Variants in SFMBT2 observed in about 807,000 individuals in gnomAD.
SFMBT2 encodes the protein scm-like with four MBT domains protein 2.
A neutral mutation model predicts 110.1 loss-of-function variants in SFMBT2; 38 were observed. That is an observed-to-expected ratio of 0.35 (90% CI 0.27 to 0.45). The LOEUF (loss-of-function observed/expected upper bound fraction) is 0.45. Ranked by LOEUF, SFMBT2 falls within the 20% of genes least tolerant of loss-of-function variation. SFMBT2 has a pLI of 1.00. For synonymous variants in SFMBT2, 425 were observed against 425.4 expected, an observed-to-expected ratio of 1.00 and a Z score of 0.01; for missense variants, 1,011 against 1,094.9, an observed-to-expected ratio of 0.92 and a Z score of 1.08.
At chr10:7,279,654 G>A (rs1481522936) in intron 6 of SFMBT2, among the ~76,000 whole-genome samples, 1 of 152,178 alleles carries the variant, frequency 6.6e-6, no homozygotes, top group Non-Finnish European at 1.5e-5. Flanking sequence ...CTGTTTCTGG[G>A]AAGGTCGTGA....
Position 7,201,827 on chromosome 10 carries a change from T to G in SFMBT2, c.1487+653A>C, listed in dbSNP as rs191202064. Among the ~76,000 whole-genome samples, 876 of 152,322 alleles carry G rather than the reference T, an allele frequency of 5.8e-3. 9 individuals carry two copies. The highest frequency in any genetic ancestry group is 0.02 in the African/African-American group (834 of 41,566). On this transcript the variant is annotated intron_variant, in intron 13 of 20. Coordinates refer to ENST00000397167, the MANE Select transcript of SFMBT2 (RefSeq NM_001387889.1). The stretch of plus-strand genomic sequence containing the variant: ...ACCCTCTTTCCACATAAAGTCACAA[T>G]TGAAATGGGGGACACCCTGTTTCCA...
At chr10:7,238,035 A>T (rs1049063162) in intron 9 of SFMBT2, among the ~76,000 whole-genome samples, 1 of 152,228 alleles carries the variant, frequency 6.6e-6, no homozygotes, top group African/African-American at 2.4e-5. Context: ...AGTGGAAGTC[A>T]GCACGGCTGG....
At chr10:7,321,922 C>G (rs1007784032) in intron 4 of SFMBT2, among the ~76,000 whole-genome samples, 2 of 152,204 alleles carry the variant, frequency 1.3e-5, no homozygotes, top group African/African-American at 4.8e-5. Flanking sequence ...CAACTCCAAT[C>G]AAAATTCCAT....
intron 4 of SFMBT2, among the ~76,000 whole-genome samples, chr10:7,304,658 C>T (rs1213288923): frequency 1.3e-5 from 2 of 152,282 alleles, no homozygotes; most frequent in Non-Finnish European, 2.9e-5. Context: ...ATACTGAATA[C>T]GATTTAACTA....
chr10:7,165,175 C>T (rs569032740), intron 20 of SFMBT2, among the ~76,000 whole-genome samples: 9 of 152,204 alleles, frequency 5.9e-5, no homozygotes, highest in African/African-American at 2.2e-4. Flanking sequence ...TCAGTGGTAC[C>T]GTGAGAGCAT....
rs79760725 is a variant in SFMBT2, at chr10:7,393,879, C to T, written c.-51-11930G>A. ...GTCCTGAGACTATAAGGCTGCTCTGCCAGCTCCAGGCCACTACATCAGAGG... is the reference window on the plus strand; with the variant it reads ...GTCCTGAGACTATAAGGCTGCTCTGTCAGCTCCAGGCCACTACATCAGAGG... On this transcript the variant is annotated intron_variant, in intron 1 of 20. Transcript: ENST00000397167. Among the ~76,000 whole-genome samples the T allele has an allele frequency of 9.4e-3, 1,434 of 152,306 alleles. 24 individuals are homozygous for T. The highest frequency in any genetic ancestry group is 0.033 in the African/African-American group (1,355 of 41,558).
At chr10:7,324,724 C>A (rs886790491) in intron 4 of SFMBT2, among the ~76,000 whole-genome samples, 5 of 152,196 alleles carry the variant, frequency 3.3e-5, no homozygotes, top group Non-Finnish European at 7.3e-5. Context: ...TGGGAAGCCC[C>A]AGATCAAGGG....
At chr10:7,211,519 G>A (rs1839347939) in intron 11 of SFMBT2, among the ~76,000 whole-genome samples, 1 of 152,090 alleles carries the variant, frequency 6.6e-6, no homozygotes, top group South Asian at 2.1e-4. Flanking sequence ...AGCCAGTCCT[G>A]CTGCTGGCCC....
At chr10:7,315,263 T>G (rs34587310) in intron 4 of SFMBT2, among the ~76,000 whole-genome samples, 2,177 of 152,286 alleles carry the variant, frequency 0.014, 24 homozygotes, top group Non-Finnish European at 0.023. Flanking sequence ...TGTTTCTGGC[T>G]GACATTAGCA....
In SFMBT2 at chr10:7,301,572, G is replaced by A. The variant is rs546256756; in HGVS notation, c.437-15618C>T. 3.9e-5 allele frequency among the ~76,000 whole-genome samples: 6 copies of A among 152,274 alleles called. No homozygotes were observed. In the East Asian group the frequency reaches 7.7e-4, roughly 20 times the overall value. ...ACAGTGGGGGCAGGTCCCCGGGGCC[G>A]GCAAATTCGCGGAACACCAGCCAGG... On this transcript the variant is annotated intron_variant, in intron 4 of 20. Coordinates refer to ENST00000397167, the MANE Select transcript of SFMBT2 (RefSeq NM_001387889.1). The surrounding 1 kb of genome is among the most constrained non-coding windows in gnomAD (Gnocchi z 4.2).
intron 7 of SFMBT2, among the ~76,000 whole-genome samples, chr10:7,275,814 G>A (rs1204722270): frequency 1.3e-5 from 2 of 152,190 alleles, no homozygotes; most frequent in Non-Finnish European, 2.9e-5. Flanking sequence ...GAGGACTTAG[G>A]TGTCAGTAAA....
At chr10:7,341,406 C>T (rs1489820613) in intron 4 of SFMBT2, among the ~76,000 whole-genome samples, 1 of 152,204 alleles carries the variant, frequency 6.6e-6, no homozygotes, top group Non-Finnish European at 1.5e-5. Flanking sequence ...TGCAAATTTT[C>T]CGTTCCCAAG....
intron 1 of SFMBT2, among the ~76,000 whole-genome samples, chr10:7,389,346 AC>A (rs1251422806): frequency 6.6e-6 from 1 of 151,456 alleles, no homozygotes; most frequent in East Asian, 1.9e-4. Flanking sequence ...CAACACCCTA[AC>A]CCCCCAAAAA....
intron 20 of SFMBT2, among the ~76,000 whole-genome samples, chr10:7,166,486 T>C (rs535418238): frequency 6.6e-6 from 1 of 152,364 alleles, no homozygotes; most frequent in Admixed American, 6.5e-5. Context: ...CACTCATGTA[T>C]TTACTTGCCA....
At chr10:7,376,742 A>C in intron 2 of SFMBT2, among the ~76,000 whole-genome samples, 1 of 140,006 alleles carries the variant, frequency 7.1e-6, no homozygotes, top group Non-Finnish European at 1.5e-5. Context: ...AAAAAAAAAA[A>C]AAAAAAAAAA....
At chr10:7,281,415 T>C (rs972501160) in intron 6 of SFMBT2, among the ~76,000 whole-genome samples, 8 of 151,910 alleles carry the variant, frequency 5.3e-5, no homozygotes, top group African/African-American at 1.9e-4. Context: ...TCCCCATCGG[T>C]CATGGAAGCA....
intron 5 of SFMBT2, chr10:7,285,405 A>G (rs1174506884): frequency 6.6e-6 from 1 of 152,338 alleles, no homozygotes; most frequent in Non-Finnish European, 1.5e-5. Context: ...ATTATTGGTT[A>G]ACGTGTGTAT....
intron 4 of SFMBT2, among the ~76,000 whole-genome samples, chr10:7,303,260 T>G (rs1024630449): frequency 6.6e-6 from 1 of 152,254 alleles, no homozygotes; most frequent in Non-Finnish European, 1.5e-5. Flanking sequence ...CAATGAAATG[T>G]AGCAGATATT....
At chr10:7,309,133 A>G (rs990700464) in intron 4 of SFMBT2, among the ~76,000 whole-genome samples, 2 of 152,222 alleles carry the variant, frequency 1.3e-5, no homozygotes, top group African/African-American at 2.4e-5. Context: ...AGTAAAGTGG[A>G]CAGCCCTCCG....
Sources: gnomAD v4.1 joint callset for allele counts (sites outside exome capture counted in the v4.1 genomes callset) on GRCh38, gnomAD v4.1.1 for gene constraint, Gnocchi (gnomAD v3.1) non-coding constraint, MANE v1.5 for transcripts, NCBI Gene and HGNC (gene_info 2026-07-23, HGNC 2026-07-21) for gene names.